The following STK17A variants were observed in gnomAD, a reference collection of about 807,000 sequenced individuals.
STK17A encodes the protein serine/threonine-protein kinase 17A.
Under a neutral mutation model 43.7 loss-of-function variants are expected in STK17A, and 26 were observed. That is an observed-to-expected ratio of 0.60 (90% confidence interval 0.44 to 0.83). The LOEUF (loss-of-function observed/expected upper bound fraction) is 0.83. Among genes scored for constraint, STK17A ranks in the 40% least tolerant of loss-of-function variants. The probability of loss-of-function intolerance (pLI) is 0.00; values close to 1 mark genes in which losing one functional copy is unlikely to be tolerated. For synonymous variants in STK17A, 191 were observed against 182.5 expected (o/e 1.05, Z -0.38); for missense variants, 476 against 511.6 (o/e 0.93, Z 0.67).
At chr7:43,605,231 A>G (rs897308188) in intron 2 of STK17A, among the ~76,000 whole-genome samples, 1 of 152,200 alleles carries the variant, frequency 6.6e-6, no homozygotes, top group Non-Finnish European at 1.5e-5. Flanking sequence ...AATTTTTGGT[A>G]AAATGACATA....
intron 3 of STK17A, among the ~76,000 whole-genome samples, chr7:43,612,846 T>G (rs2082999369): frequency 6.6e-6 from 1 of 151,622 alleles, no homozygotes. Flanking sequence ...GATTTAGGAG[T>G]CTGTAAAAGT....
intron 1 of STK17A, among the ~76,000 whole-genome samples, chr7:43,584,084 C>T (rs1022254534): frequency 2.6e-5 from 4 of 152,062 alleles, no homozygotes; most frequent in African/African-American, 9.7e-5. Context: ...TGCTGGGAAC[C>T]GATTCTTGCC....
At chr7:43,614,901 A>G (rs1003116091) in intron 3 of STK17A, among the ~76,000 whole-genome samples, 4 of 152,248 alleles carry the variant, frequency 2.6e-5, no homozygotes, top group African/African-American at 9.6e-5. Context: ...CAGGGAATAT[A>G]AAGTGTAAAT....
Position 43,624,888 on chromosome 7 carries a change from T to A in STK17A, c.*46T>A. ...TTCAAGATTTCTACATTGAAAATGT[T>A]AATATTATTTATGGACCTCTGGCCA... On this transcript the variant is annotated 3_prime_UTR_variant, in exon 7 of 7. Coordinates refer to ENST00000319357, the MANE Select transcript of STK17A (RefSeq NM_004760.3). The A allele has an allele frequency of 6.7e-7, 1 of 1,487,412 alleles. No individual in the cohort carries two copies. The highest frequency in any genetic ancestry group is 9.0e-7 in the Non-Finnish European group (1 of 1,105,060). The allele number at this position is 1,487,412 out of a possible 1,614,324, so 92.1% of individuals were successfully genotyped here.
In STK17A at chr7:43,619,660, C is replaced by T. The variant is rs2083676275; in HGVS notation, c.628C>T (p.Leu210Phe). ...LGDIKIVDFG[L>F]SRILKNSEEL... is the part of the protein sequence containing the mutation. Reference sequence around the variant, plus strand: ...TGACATTAAGATTGTTGATTTTGGCCTTTCAAGAATATTGAAGAACAGTGA... The same window carrying T: ...TGACATTAAGATTGTTGATTTTGGCTTTTCAAGAATATTGAAGAACAGTGA... Residue 210 changes from leucine to phenylalanine, a missense_variant, in exon 4 of 7, where the codon CTT becomes TTT. Transcript: ENST00000319357. 4 of 1,613,934 alleles carry T rather than the reference C, an allele frequency of 2.5e-6. No individual in the cohort carries two copies. Among genetic ancestry groups the T allele is most frequent in the Non-Finnish European group, 2.5e-6 (3 of 1,179,990 alleles).
At chr7:43,601,906 C>T (rs1220982634) in intron 2 of STK17A, among the ~76,000 whole-genome samples, 1 of 152,054 alleles carries the variant, frequency 6.6e-6, no homozygotes, top group Non-Finnish European at 1.5e-5. Flanking sequence ...CCTTTTAACA[C>T]CCCCACCCCC....
At position 43,623,781 on chromosome 7, in the gene STK17A, A is replaced by G; in HGVS notation, c.813A>G (p.Thr271=). The G allele has an allele frequency of 6.2e-7, 1 of 1,609,214 alleles. No individual in the cohort carries two copies. ...SPFLGNDKQE[T]FLNISQMNLS... ...TCTTAGGCAATGATAAACAAGAAAC[A>G]TTCTTAAACATCTCACAGATGAATT... The change falls in exon 6 of 7, where the codon ACA becomes ACG. Residue 271 remains threonine (T), a synonymous_variant. Coordinates refer to ENST00000319357, the MANE Select transcript of STK17A (RefSeq NM_004760.3).
intron 3 of STK17A, among the ~76,000 whole-genome samples, chr7:43,612,326 A>G (rs192133008): frequency 1.5e-3 from 229 of 152,328 alleles, no homozygotes; most frequent in African/African-American, 5.1e-3. Flanking sequence ...TGGTATGGCA[A>G]CCATGCATGC....
chr7:43,622,294 T>G (rs1407011261), intron 4 of STK17A: 1 of 152,210 alleles, frequency 6.6e-6, no homozygotes, highest in Non-Finnish European at 1.5e-5. Context: ...ATTTCAGAAA[T>G]CAAAATTTAG....
intron 2 of STK17A, among the ~76,000 whole-genome samples, chr7:43,596,790 C>T (rs569280156): frequency 6.7e-6 from 1 of 150,110 alleles, no homozygotes; most frequent in South Asian, 2.1e-4. Context: ...ATTGCTGGAA[C>T]CAAGGAGGTG....
chr7:43,604,996 G>A (rs1303294873), intron 2 of STK17A, among the ~76,000 whole-genome samples: 1 of 152,134 alleles, frequency 6.6e-6, no homozygotes, highest in Non-Finnish European at 1.5e-5. Flanking sequence ...TTTCATTTGA[G>A]ATACTGTATT....
chr7:43,594,106 T>C (rs2082498611), intron 1 of STK17A, among the ~76,000 whole-genome samples: 1 of 152,092 alleles, frequency 6.6e-6, no homozygotes, highest in Non-Finnish European at 1.5e-5. Context: ...GTCAACCTTA[T>C]GGGGAGGTGG....
chr7:43,605,817 T>C (rs544346533), intron 2 of STK17A, among the ~76,000 whole-genome samples: 8 of 152,176 alleles, frequency 5.3e-5, no homozygotes, highest in Admixed American at 2.0e-4. Context: ...TTTCTAGTTG[T>C]TTATAGCCAG....
In STK17A at chr7:43,606,851, GTC is replaced by G. The variant is rs1261377597; in HGVS notation, c.420-1401_420-1400del. Among the ~76,000 whole-genome samples, 3 of 145,282 alleles carry G rather than the reference GTC, an allele frequency of 2.1e-5. 1 individual carries two copies. The South Asian group carries it at 6.7e-4, about 33-fold the overall frequency. On this transcript the variant is annotated intron_variant, in intron 2 of 6. Transcript: ENST00000319357. ...TATATGTTGTACCGAGAGAAATATA[GTC>G]TCTTTTTTTTTGAGAGGAATGAATG...
intron 1 of STK17A, among the ~76,000 whole-genome samples, chr7:43,585,395 T>C (rs2082431447): frequency 6.7e-6 from 1 of 149,734 alleles, no homozygotes; most frequent in African/African-American, 2.4e-5. Flanking sequence ...CTTTCAACTT[T>C]TGTTTTAAAC....
intron 3 of STK17A, among the ~76,000 whole-genome samples, chr7:43,618,205 C>T (rs574567931): frequency 2.6e-5 from 4 of 152,158 alleles, no homozygotes; most frequent in East Asian, 1.9e-4. Context: ...GGAGCAGGGA[C>T]GGGGCAGCCA....
chr7:43,593,055 G>C (rs2082490498), intron 1 of STK17A, among the ~76,000 whole-genome samples: 1 of 152,206 alleles, frequency 6.6e-6, no homozygotes, highest in Admixed American at 6.5e-5. Flanking sequence ...CCAATAGGTA[G>C]TATTTAATTC....
At chr7:43,609,807 T>C in intron 3 of STK17A, among the ~76,000 whole-genome samples, 1 of 152,292 alleles carries the variant, frequency 6.6e-6, no homozygotes, top group East Asian at 1.9e-4. Context: ...CAAAAAACTT[T>C]CCCATCCTGA....
At chr7:43,616,958 T>C (rs1286758649) in intron 3 of STK17A, among the ~76,000 whole-genome samples, 4 of 152,228 alleles carry the variant, frequency 2.6e-5, no homozygotes, top group Non-Finnish European at 5.9e-5. Context: ...CTCTCATCTA[T>C]GGAAATTGTT....
Sources: gnomAD v4.1 joint callset for allele counts (sites outside exome capture counted in the v4.1 genomes callset) on GRCh38, gnomAD v4.1.1 for gene constraint, MANE v1.5 for transcripts, NCBI Gene and HGNC (gene_info 2026-07-23, HGNC 2026-07-21) for gene names.